The following PTPRT variants were observed in gnomAD, a reference collection of about 807,000 sequenced individuals.
The protein encoded by PTPRT is protein tyrosine phosphatase receptor type T.
A neutral mutation model predicts 176.8 loss-of-function variants in PTPRT; 56 were observed. The ratio of observed to expected loss-of-function variants is 0.32; its 90% CI spans 0.26 to 0.40. The LOEUF is 0.40. PTPRT is among the 10% of genes least tolerant of loss of function. PTPRT has a pLI of 1.00. For synonymous variants in PTPRT, 783 were observed against 739.0 expected (o/e 1.06, Z -0.96); for missense variants, 1,540 against 1,908.2 (o/e 0.81, Z 3.60).
chr20:42,766,305 G>A (rs1457605115), intron 5 of PTPRT, among the ~76,000 whole-genome samples: 1 of 152,144 alleles, frequency 6.6e-6, no homozygotes, highest in Non-Finnish European at 1.5e-5. Flanking sequence ...TTCCACCACA[G>A]ACCACGGCAT....
At chr20:42,486,840 T>C (rs953328517) in intron 7 of PTPRT, among the ~76,000 whole-genome samples, 2 of 152,076 alleles carry the variant, frequency 1.3e-5, no homozygotes, top group African/African-American at 2.4e-5. Flanking sequence ...AGCCAACCCA[T>C]GTAGGAGCTC....
At chr20:42,139,732 C>G (rs930415149) in intron 18 of PTPRT, among the ~76,000 whole-genome samples, 1 of 152,208 alleles carries the variant, frequency 6.6e-6, no homozygotes, top group African/African-American at 2.4e-5. Context: ...TAGGCTTTAT[C>G]AGATAAGTGA....
intron 9 of PTPRT, among the ~76,000 whole-genome samples, chr20:42,394,934 T>C (rs974548061): frequency 6.6e-6 from 1 of 152,210 alleles, no homozygotes; most frequent in African/African-American, 2.4e-5. Context: ...ATGTTCAAAA[T>C]GTTCTTGCCC....
At chr20:42,583,234 T>G (rs2073409596) in intron 7 of PTPRT, among the ~76,000 whole-genome samples, 1 of 152,172 alleles carries the variant, frequency 6.6e-6, no homozygotes, top group African/African-American at 2.4e-5. Flanking sequence ...AATAGAACTT[T>G]GGGGAATCCT....
chr20:43,153,828 A>G (rs1416542264), intron 1 of PTPRT, among the ~76,000 whole-genome samples: 1 of 152,222 alleles, frequency 6.6e-6, no homozygotes, highest in Non-Finnish European at 1.5e-5. Flanking sequence ...CTCAGCACAG[A>G]GAAGGCAAGA....
intron 1 of PTPRT, among the ~76,000 whole-genome samples, chr20:43,156,593 C>T (rs971418530): frequency 2.6e-5 from 4 of 152,178 alleles, no homozygotes; most frequent in Admixed American, 6.5e-5. Context: ...TGAGACCCCA[C>T]CCCACCATCT....
At chr20:42,278,517 T>C (rs936612757) in intron 13 of PTPRT, among the ~76,000 whole-genome samples, 2 of 151,652 alleles carry the variant, frequency 1.3e-5, no homozygotes, top group African/African-American at 4.8e-5. Context: ...TAAGGAAAAG[T>C]AGCAAAATGA....
chr20:42,472,797 A>G (rs970307836), intron 7 of PTPRT, among the ~76,000 whole-genome samples: 15 of 152,250 alleles, frequency 9.9e-5, no homozygotes, highest in African/African-American at 3.1e-4. Flanking sequence ...ATATAAAAGG[A>G]AAACATCTTA....
chr20:42,321,630 A>T (rs2057799184), intron 11 of PTPRT, among the ~76,000 whole-genome samples: 1 of 152,162 alleles, frequency 6.6e-6, no homozygotes, highest in Non-Finnish European at 1.5e-5. Flanking sequence ...AGCTTTTATC[A>T]TAATTGAAAC....
At chr20:42,058,312 C>G in the PTPRT span, among the ~76,000 whole-genome samples, 3 of 152,216 alleles carry the variant, frequency 2.0e-5, no homozygotes, top group South Asian at 2.1e-4. Context: ...TGTGACACAT[C>G]TATTCACTGG....
chr20:43,022,290 G>A (rs1017684310), intron 1 of PTPRT, among the ~76,000 whole-genome samples: 2 of 152,092 alleles, frequency 1.3e-5, no homozygotes, highest in African/African-American at 2.4e-5. Context: ...AGATTAGAAC[G>A]CCCTGGATTG....
chr20:43,111,108 T>C (rs187270123), intron 1 of PTPRT, among the ~76,000 whole-genome samples: 2 of 151,936 alleles, frequency 1.3e-5, no homozygotes, highest in Admixed American at 1.3e-4. Context: ...GATCCAAGGG[T>C]AGGGGATAGA....
chr20:42,873,249 C>A (rs1362669227), intron 2 of PTPRT, among the ~76,000 whole-genome samples: 2 of 152,192 alleles, frequency 1.3e-5, no homozygotes, highest in Non-Finnish European at 2.9e-5. Flanking sequence ...CTTCCCAGCA[C>A]TTCCAACCTC....
At chr20:42,227,612 T>G (rs1011274385) in intron 15 of PTPRT, among the ~76,000 whole-genome samples, 1 of 142,028 alleles carries the variant, frequency 7.0e-6, no homozygotes, top group Non-Finnish European at 1.5e-5. Flanking sequence ...TTTTTTTTTT[T>G]TTTTTTTTTT....
In PTPRT at chr20:42,819,974, C is replaced by T. The variant is rs184801131; in HGVS notation, c.215-28508G>A. Among the ~76,000 whole-genome samples the T allele has an allele frequency of 2.5e-3, 384 of 152,268 alleles. 3 individuals are homozygous for T. The highest frequency in any genetic ancestry group is 9.0e-3 in the African/African-American group (374 of 41,558). On this transcript the variant is annotated intron_variant, in intron 2 of 30. Coordinates refer to ENST00000373187, the MANE Select transcript of PTPRT (RefSeq NM_007050.6). ...ATTCCCACACAATAATATTGGGAGA[C>T]TTTAATACCTCACTCTCAATATTAG...
chr20:42,154,671 T>C (rs2146473992), intron 17 of PTPRT, among the ~76,000 whole-genome samples: 1 of 152,340 alleles, frequency 6.6e-6, no homozygotes, highest in African/African-American at 2.4e-5. Context: ...TGCTTCTTCC[T>C]TCTCTCCCAT....
intron 7 of PTPRT, among the ~76,000 whole-genome samples, chr20:42,634,658 G>C (rs1194828107): frequency 6.6e-6 from 1 of 151,922 alleles, no homozygotes; most frequent in Non-Finnish European, 1.5e-5. Context: ...CCTTAAAAAA[G>C]ACGAAAAATA....
intron 6 of PTPRT, among the ~76,000 whole-genome samples, chr20:42,693,137 T>C (rs192865721): frequency 6.6e-6 from 1 of 152,328 alleles, no homozygotes; most frequent in Non-Finnish European, 1.5e-5. Flanking sequence ...GATGTATATA[T>C]ACCTATATGT....
Position 42,665,529 on chromosome 20 carries a change from G to C in PTPRT, c.1153+12337C>G, listed in dbSNP as rs571259451. Among the ~76,000 whole-genome samples, 3 of 152,288 alleles carry C rather than the reference G, an allele frequency of 2.0e-5. No individual in the cohort carries two copies. The South Asian group carries it at 6.2e-4, about 32-fold the overall frequency. ...ACTAGTTCAACCATTGTGGAAGACA[G>C]TGTGGCGATTCCTCAGGGATCTAGA... On this transcript the variant is annotated intron_variant, in intron 7 of 30. Transcript: ENST00000373187.
Sources: gnomAD v4.1 joint callset for allele counts (sites outside exome capture counted in the v4.1 genomes callset) on GRCh38, gnomAD v4.1.1 for gene constraint, MANE v1.5 for transcripts, NCBI Gene and HGNC (gene_info 2026-07-23, HGNC 2026-07-21) for gene names.